Variants in HMGB1 observed in about 807,000 individuals in gnomAD.
HMGB1 encodes high mobility group box 1, also known as high mobility group protein B1.
For synonymous variants in HMGB1, 81 were observed against 84.0 expected, an observed-to-expected ratio of 0.96 and a Z score of 0.19; for missense variants, 79 against 253.5, an observed-to-expected ratio of 0.31 and a Z score of 4.67.
At position 30,483,607 on chromosome 13, in the gene HMGB1, G is replaced by A. The variant is rs572460906; in HGVS notation, c.-14-19913C>T. Among the ~76,000 whole-genome samples the A allele has an allele frequency of 3.6e-4, 43 of 120,384 alleles. 1 individual carries two copies. In the South Asian group the frequency reaches 0.013, roughly 35 times the overall value. The allele number at this position is 120,384 out of a possible 152,430, so 79.0% of individuals were successfully genotyped here. A position where few individuals can be genotyped will look rare whatever the true frequency, so the allele number is the denominator to read the frequency against. ...GACTCCCTGTTGCCCACAAGAGAAC[G>A]TGCAAATTTCTTTTTTTTTTTTTTT... On this transcript the variant is annotated intron_variant, in intron 1 of 4. Transcript: ENST00000405805.
intron 1 of HMGB1, among the ~76,000 whole-genome samples, chr13:30,556,395 ACT>A (rs749274310): frequency 6.6e-6 from 1 of 152,078 alleles, no homozygotes; most frequent in Non-Finnish European, 1.5e-5. Flanking sequence ...CAAGAGAGAA[ACT>A]CTGTTTCAAA....
At chr13:30,606,230 C>T (rs1410082268) in intron 1 of HMGB1, among the ~76,000 whole-genome samples, 1 of 152,168 alleles carries the variant, frequency 6.6e-6, no homozygotes, top group Non-Finnish European at 1.5e-5. Flanking sequence ...ACATTTATTA[C>T]TCTTGGCACA....
chr13:30,596,292 T>C (rs1356597578), intron 1 of HMGB1, among the ~76,000 whole-genome samples: 1 of 152,194 alleles, frequency 6.6e-6, no homozygotes. Flanking sequence ...TATAATCACA[T>C]ACTAGGGCCC....
Position 30,523,635 on chromosome 13 carries a change from G to A in HMGB1, c.-14-59941C>T, listed in dbSNP as rs114341585. On this transcript the variant is annotated intron_variant, in intron 1 of 4. Transcript: ENST00000405805. ...TGCTGGTGTGGTTGAAAGAACCAGTGTCCTTTTCACACGTAAGCCATGCTC... is the reference window on the plus strand; with the variant it reads ...TGCTGGTGTGGTTGAAAGAACCAGTATCCTTTTCACACGTAAGCCATGCTC... Among the ~76,000 whole-genome samples the A allele has an allele frequency of 2.0e-3, 306 of 152,188 alleles. 1 individual carries two copies. The highest frequency in any genetic ancestry group is 6.9e-3 in the African/African-American group (287 of 41,512).
intron 1 of HMGB1, among the ~76,000 whole-genome samples, chr13:30,604,408 C>T (rs1055286016): frequency 6.6e-6 from 1 of 152,128 alleles, no homozygotes; most frequent in East Asian, 1.9e-4. Flanking sequence ...AGGAACAGTT[C>T]GGCAATGTCT....
At chr13:30,550,684 T>C (rs1869387211) in intron 1 of HMGB1, among the ~76,000 whole-genome samples, 2 of 152,196 alleles carry the variant, frequency 1.3e-5, no homozygotes, top group African/African-American at 4.8e-5. Flanking sequence ...TGAGCTTGGC[T>C]TTGGTACCAT....
Position 30,563,027 on chromosome 13 carries a change from T to A in HMGB1, c.-15+53644A>T, listed in dbSNP as rs182096276. 3.4e-3 allele frequency among the ~76,000 whole-genome samples: 515 copies of A among 152,268 alleles called. 2 individuals carry two copies. Among genetic ancestry groups the A allele is most frequent in the Admixed American group, 6.9e-3 (105 of 15,290 alleles). On this transcript the variant is annotated intron_variant, in intron 1 of 4. Coordinates refer to the HMGB1 transcript ENST00000405805. Reference sequence around the variant, plus strand: ...TACATGGTTTGGGGGGTAAAAAAAATGTCAGCCTCCAGAGCACAGGGCTTT... The same window carrying A: ...TACATGGTTTGGGGGGTAAAAAAAAAGTCAGCCTCCAGAGCACAGGGCTTT...
At chr13:30,479,189 A>G (rs1337600900) in intron 1 of HMGB1, among the ~76,000 whole-genome samples, 1 of 152,138 alleles carries the variant, frequency 6.6e-6, no homozygotes, top group African/African-American at 2.4e-5. Context: ...TGTCTTCTCT[A>G]ATAGCTATTC....
At chr13:30,555,234 G>T (rs948178675) in intron 1 of HMGB1, among the ~76,000 whole-genome samples, 1 of 151,784 alleles carries the variant, frequency 6.6e-6, no homozygotes, top group Non-Finnish European at 1.5e-5. Context: ...GTAGAGATGG[G>T]GTTTCACCGT....
intron 1 of HMGB1, among the ~76,000 whole-genome samples, chr13:30,548,538 A>C (rs1322100218): frequency 6.6e-6 from 1 of 152,230 alleles, no homozygotes; most frequent in Non-Finnish European, 1.5e-5. Context: ...CTATTACACA[A>C]GTTACATCAA....
At chr13:30,480,742 C>T (rs758238750) in intron 1 of HMGB1, among the ~76,000 whole-genome samples, 3 of 152,116 alleles carry the variant, frequency 2.0e-5, no homozygotes, top group East Asian at 1.9e-4. Flanking sequence ...CTCCTTCCCT[C>T]GCTCCTTTTT....
intron 1 of HMGB1, among the ~76,000 whole-genome samples, chr13:30,520,480 T>G (rs1007898620): frequency 6.7e-6 from 1 of 149,068 alleles, no homozygotes; most frequent in South Asian, 2.1e-4. Context: ...ATTAGTCAGG[T>G]GTGGTGGCGT....
chr13:30,467,141 A>G (rs1409498503), upstream of HMGB1, among the ~76,000 whole-genome samples: 1 of 152,242 alleles, frequency 6.6e-6, no homozygotes, highest in Admixed American at 6.5e-5. Flanking sequence ...CTACAGTTAT[A>G]TCAGTCCTTT....
rs1046543529 is a variant in HMGB1 at position 30,460,894 on chromosome 13, C to T, written c.*463G>A. ...CAGACCTATGAAAAGGACAACAATA[C>T]TAATAAAAAAAATTGTATTTACTTA... On this transcript the variant is annotated 3_prime_UTR_variant, in exon 5 of 5. Coordinates refer to ENST00000341423, the MANE Select transcript of HMGB1 (RefSeq NM_002128.7). The T allele has an allele frequency of 3.1e-5, 22 of 716,408 alleles. No individual in the cohort carries two copies. The African/African-American group carries it at 4.1e-4, about 13-fold the overall frequency. 44.4% of individuals were successfully genotyped at this position (716,408 alleles called of 1,614,324 possible).
intron 1 of HMGB1, among the ~76,000 whole-genome samples, chr13:30,501,956 G>C (rs1484553707): frequency 6.6e-6 from 1 of 152,122 alleles, no homozygotes; most frequent in Non-Finnish European, 1.5e-5. Context: ...ATGCTTTATA[G>C]CAGATTGATT....
chr13:30,590,547 C>T (rs1354002559), intron 1 of HMGB1, among the ~76,000 whole-genome samples: 1 of 152,174 alleles, frequency 6.6e-6, no homozygotes, highest in East Asian at 1.9e-4. Context: ...GGCTACCATA[C>T]TGCACATGCA....
In HMGB1 at chr13:30,559,468, A is replaced by G. The variant is rs1869853602; in HGVS notation, c.-15+57203T>C. ...AAAAGAATGAAGTGATGGAAGCCAG[A>G]CTCAAACCAACTGTGTACTCTGTCC... On this transcript the variant is annotated intron_variant, in intron 1 of 4. Coordinates refer to the HMGB1 transcript ENST00000405805. This position sits in a 1 kb window ranked among gnomAD's most constrained non-coding sequence, Gnocchi z 6.6. Among the ~76,000 whole-genome samples the G allele has an allele frequency of 6.6e-6, 1 of 152,150 alleles. No homozygotes were observed. Among genetic ancestry groups the G allele is most frequent in the Admixed American group, 6.5e-5 (1 of 15,274 alleles).
chr13:30,591,507 A>AT (rs201803303), intron 1 of HMGB1, among the ~76,000 whole-genome samples: 8,257 of 139,704 alleles, frequency 0.059, 544 homozygotes, highest in African/African-American at 0.16. Flanking sequence ...AGCACCAGGG[A>AT]TTTTTTTTTT....
intron 3 of HMGB1, 148 bp downstream of exon 3, chr13:30,463,059 C>G (rs576510300): frequency 2.4e-6 from 2 of 823,934 alleles, no homozygotes; most frequent in African/African-American, 1.7e-5. Flanking sequence ...GAATTTTATA[C>G]TATTTAAATA....
Sources: gnomAD v4.1 joint callset for allele counts (sites outside exome capture counted in the v4.1 genomes callset) on GRCh38, gnomAD v4.1.1 for gene constraint, Gnocchi (gnomAD v3.1) non-coding constraint, MANE v1.5 for transcripts, NCBI Gene and HGNC (gene_info 2026-07-23, HGNC 2026-07-21) for gene names.